NLGN1: variants seen among roughly 807,000 people sequenced by gnomAD.
NLGN1 encodes the protein neuroligin-1.
NLGN1 carries 12 observed loss-of-function variants against 65.5 expected under a neutral mutation model. The observed-to-expected ratio is 0.18, with a 90% CI of 0.12 to 0.30. The LOEUF (loss-of-function observed/expected upper bound fraction) is 0.30, where lower values mean the gene tolerates loss of function less well. NLGN1 is among the 10% of genes least tolerant of loss of function. The pLI is 1.00. For synonymous variants in NLGN1, 350 were observed against 359.5 expected (o/e 0.97, Z 0.30); for missense variants, 750 against 1,007.1 (o/e 0.74, Z 3.46).
At chr3:173,838,328 T>A (rs561042297) in intron 4 of NLGN1, among the ~76,000 whole-genome samples, 1 of 152,258 alleles carries the variant, frequency 6.6e-6, no homozygotes, top group East Asian at 1.9e-4. Context: ...GATAACCAAA[T>A]TTTTGATAAT....
chr3:173,474,897 G>A (rs1725933132), intron 2 of NLGN1, among the ~76,000 whole-genome samples: 1 of 152,068 alleles, frequency 6.6e-6, no homozygotes, highest in African/African-American at 2.4e-5. Flanking sequence ...GGCAGAGGTT[G>A]CAGTGAGTGG....
At chr3:173,646,464 A>G (rs1758292515) in intron 3 of NLGN1, among the ~76,000 whole-genome samples, 1 of 152,200 alleles carries the variant, frequency 6.6e-6, no homozygotes. Flanking sequence ...ATTCTTTTGA[A>G]TAATTTTTTC....
chr3:173,828,287 C>T (rs1043271127), intron 4 of NLGN1, among the ~76,000 whole-genome samples: 4 of 151,956 alleles, frequency 2.6e-5, no homozygotes, highest in Non-Finnish European at 5.9e-5. Flanking sequence ...TATTGTGAAT[C>T]CATTAATGTT....
At position 174,264,512 on chromosome 3, in the gene NLGN1, A is replaced by G. The variant is rs112555947; in HGVS notation, c.647-10803A>G. 1.8e-3 allele frequency among the ~76,000 whole-genome samples: 269 copies of G among 150,312 alleles called. 3 individuals are homozygous for G. The highest frequency in any genetic ancestry group is 5.7e-3 in the African/African-American group (231 of 40,878). On this transcript the variant is annotated intron_variant, in intron 4 of 6. Coordinates refer to ENST00000457714, the Ensembl canonical transcript of NLGN1. The stretch of plus-strand genomic sequence containing the variant: ...CTTCTGCATTCTTCACGTAGTTCTC[A>G]AGCCTTGGTTTTCAGCTCCATCAGC...
intron 3 of NLGN1, among the ~76,000 whole-genome samples, chr3:173,785,984 GA>G (rs1443195301): frequency 2.0e-5 from 3 of 152,098 alleles, no homozygotes; most frequent in Non-Finnish European, 4.4e-5. Flanking sequence ...CCTACAAATA[GA>G]AAAAGGGTCT....
the NLGN1 span, among the ~76,000 whole-genome samples, chr3:174,292,659 G>T: frequency 6.6e-6 from 1 of 151,422 alleles, no homozygotes; most frequent in African/African-American, 2.4e-5. Flanking sequence ...TGGTAGATGA[G>T]AATTTACTCT....
intron 4 of NLGN1, among the ~76,000 whole-genome samples, chr3:174,073,030 A>G (rs1412254878): frequency 2.6e-5 from 4 of 152,224 alleles, no homozygotes; most frequent in Non-Finnish European, 2.9e-5. Flanking sequence ...GAAATTCCAT[A>G]TAAATATCAA....
intron 3 of NLGN1, among the ~76,000 whole-genome samples, chr3:173,775,995 A>T (rs952076120): frequency 6.6e-6 from 1 of 152,102 alleles, no homozygotes; most frequent in South Asian, 2.1e-4. Flanking sequence ...ACTGTATATT[A>T]TACACACTTT....
At chr3:173,688,009 T>C (rs879549734) in intron 3 of NLGN1, among the ~76,000 whole-genome samples, 1 of 152,214 alleles carries the variant, frequency 6.6e-6, no homozygotes, top group Non-Finnish European at 1.5e-5. Flanking sequence ...TAAGGCATAC[T>C]AGTGTTTCAA....
intron 4 of NLGN1, among the ~76,000 whole-genome samples, chr3:173,994,538 A>G (rs1411764743): frequency 6.8e-6 from 1 of 146,508 alleles, no homozygotes; most frequent in African/African-American, 2.5e-5. Flanking sequence ...CTATTTTAAA[A>G]CCTATTAAAA....
chr3:173,912,483 C>T (rs977353733), intron 4 of NLGN1: 1 of 152,174 alleles, frequency 6.6e-6, no homozygotes, highest in African/African-American at 2.4e-5. Flanking sequence ...CCACCCTGAA[C>T]AGTGTTCAGG....
At position 173,917,047 on chromosome 3, in the gene NLGN1, G is replaced by A. The variant is rs948936259; in HGVS notation, c.646+109215G>A. Among the ~76,000 whole-genome samples the A allele has an allele frequency of 9.9e-5, 15 of 152,202 alleles. No individual in the cohort carries two copies. In the South Asian group the frequency reaches 3.1e-3, roughly 32 times the overall value. On this transcript the variant is annotated intron_variant, in intron 4 of 6. Transcript: ENST00000457714. ...AATCAAGTGAGAATAACATAGAAAG[G>A]GAAGAAGGCACACATTGCTTAAAAA... is the stretch of plus-strand genomic sequence containing the variant.
chr3:173,788,836 A>T (rs1647449271), intron 3 of NLGN1, among the ~76,000 whole-genome samples: 1 of 12,938 alleles, frequency 7.7e-5, no homozygotes, highest in Non-Finnish European at 3.3e-4. Flanking sequence ...CCTCATTTAA[A>T]AAAAAAAAAA....
chr3:173,574,062 C>CAAAAA (rs1192427397), intron 2 of NLGN1, among the ~76,000 whole-genome samples: 48 of 51,770 alleles, frequency 9.3e-4, no homozygotes, highest in East Asian at 1.7e-3. Context: ...GACTCCACCT[C>CAAAAA]AAAAAAAAAA....
At chr3:173,458,403 A>G (rs1722849614) in intron 2 of NLGN1, among the ~76,000 whole-genome samples, 1 of 152,026 alleles carries the variant, frequency 6.6e-6, no homozygotes, top group African/African-American at 2.4e-5. Context: ...ATTCTCAGGT[A>G]TCTCACCCTA....
intron 5 of NLGN1, among the ~76,000 whole-genome samples, chr3:174,277,487 T>TCTCAATTTATTATTCTATAATATTCAA (rs1221594747): frequency 1.3e-5 from 2 of 151,950 alleles, no homozygotes; most frequent in Non-Finnish European, 2.9e-5. Context: ...AGATGGGAAA[T>TCTCAATTTATTATTCTATAATATTCAA]AATATTATAG....
chr3:173,407,921 A>G (rs751619831), intron 1 of NLGN1, among the ~76,000 whole-genome samples: 18 of 149,932 alleles, frequency 1.2e-4, no homozygotes, highest in Non-Finnish European at 2.1e-4. Flanking sequence ...TATTACTCAT[A>G]TCAGAAAGAG....
At chr3:173,532,453 C>T (rs929733144) in intron 2 of NLGN1, among the ~76,000 whole-genome samples, 1 of 152,156 alleles carries the variant, frequency 6.6e-6, no homozygotes, top group Non-Finnish European at 1.5e-5. Flanking sequence ...AACATATCCA[C>T]TAGGATAACC....
At chr3:174,201,832 T>A (rs1221496779) in intron 4 of NLGN1, among the ~76,000 whole-genome samples, 1 of 152,164 alleles carries the variant, frequency 6.6e-6, no homozygotes, top group Non-Finnish European at 1.5e-5. Context: ...AGCACTTATT[T>A]CCCTCTCACC....
Sources: gnomAD v4.1 joint callset for allele counts (sites outside exome capture counted in the v4.1 genomes callset) on GRCh38, gnomAD v4.1.1 for gene constraint, MANE v1.5 for transcripts, NCBI Gene and HGNC (gene_info 2026-07-23, HGNC 2026-07-21) for gene names.